The following AK4 variants were observed in gnomAD, a reference collection of about 807,000 sequenced individuals.
AK4 encodes adenylate kinase 4.
Under a neutral mutation model 24.6 loss-of-function variants are expected in AK4, and 13 were observed. The observed-to-expected ratio is 0.53, with a 90% CI of 0.34 to 0.84. AK4 has a LOEUF of 0.84. AK4 is among the 40% of genes least tolerant of loss of function. AK4 has a pLI of 0.01. For synonymous variants in AK4, 88 were observed against 107.0 expected (o/e 0.82, Z 1.10); for missense variants, 192 against 288.2 (o/e 0.67, Z 2.42).
At position 65,227,764 on chromosome 1, in the gene AK4, C is replaced by G. The variant is rs541430119; in HGVS notation, c.*1587C>G. ...GAAGATGTCCCAGTGAATCCTCTGT[C>G]AATTCACTGCCATATGTAATCTATA... On this transcript the variant is annotated 3_prime_UTR_variant, in exon 5 of 5. Transcript: ENST00000327299. 6.4e-4 allele frequency: 93 copies of G among 146,024 alleles called. No homozygotes were observed. The highest frequency in any genetic ancestry group is 2.0e-3 in the African/African-American group (76 of 38,466). The allele number at this position is 146,024 out of a possible 1,614,324, so 9.0% of individuals were successfully genotyped here. A position where few individuals can be genotyped will look rare whatever the true frequency, so the allele number is the denominator to read the frequency against.
chr1:65,197,777 T>C (rs1436920283), intron 2 of AK4, among the ~76,000 whole-genome samples: 1 of 152,232 alleles, frequency 6.6e-6, no homozygotes, highest in African/African-American at 2.4e-5. Flanking sequence ...CATACGAGGC[T>C]AGTACATAAC....
rs1005766646 is a variant in AK4 at position 65,227,282 on chromosome 1, T to C, written c.*1105T>C. 2.7e-5 allele frequency: 4 copies of C among 145,584 alleles called. No individual in the cohort carries two copies. Among genetic ancestry groups the C allele is most frequent in the African/African-American group, 7.6e-5 (3 of 39,318 alleles). 9.0% of individuals were successfully genotyped at this position (145,584 alleles called of 1,614,324 possible). A position where few individuals can be genotyped will look rare whatever the true frequency, so the allele number is the denominator to read the frequency against. ...GAGTGACCCAAACATATTATAAATA[T>C]GTGGTAAAGGGAATGGAGCCTGTGG... On this transcript the variant is annotated 3_prime_UTR_variant, in exon 5 of 5. Transcript: ENST00000327299.
intron 1 of AK4, among the ~76,000 whole-genome samples, chr1:65,183,008 G>A (rs193179237): frequency 5.4e-4 from 82 of 152,268 alleles, no homozygotes; most frequent in Middle Eastern, 6.8e-3. Flanking sequence ...CAATCCCAGT[G>A]TTTAAGACTC....
intron 1 of AK4, among the ~76,000 whole-genome samples, chr1:65,159,437 A>G (rs1650082260): frequency 6.6e-6 from 1 of 152,212 alleles, no homozygotes; most frequent in Non-Finnish European, 1.5e-5. Context: ...CGGATGGATC[A>G]CTTGAGCCCA....
intron 2 of AK4, among the ~76,000 whole-genome samples, chr1:65,213,621 A>C (rs1278013144): frequency 1.3e-5 from 2 of 152,226 alleles, no homozygotes; most frequent in African/African-American, 2.4e-5. Flanking sequence ...TTTATTAATC[A>C]GCACACTCTC....
chr1:65,181,254 C>T lies in AK4; in HGVS notation c.146-9456C>T, dbSNP rs540627894. On this transcript the variant is annotated intron_variant, in intron 1 of 4. Coordinates refer to ENST00000327299, the MANE Select transcript of AK4 (RefSeq NM_013410.4). ...TAGCTCCTTTTTCCATCTCTCTCCT[C>T]CAGCACTATCCTGCATCTTGTAATG... 5.9e-5 allele frequency among the ~76,000 whole-genome samples: 9 copies of T among 151,884 alleles called. No individual in the cohort carries two copies. In the South Asian group the frequency reaches 1.9e-3, roughly 32 times the overall value.
chr1:65,166,871 C>T (rs1650349640), intron 1 of AK4, among the ~76,000 whole-genome samples: 1 of 152,220 alleles, frequency 6.6e-6, no homozygotes, highest in African/African-American at 2.4e-5. Context: ...GTGGCTCACT[C>T]CTGTAATCCC....
intron 1 of AK4, among the ~76,000 whole-genome samples, chr1:65,173,518 T>G (rs1231550729): frequency 6.6e-6 from 1 of 152,116 alleles, no homozygotes; most frequent in Non-Finnish European, 1.5e-5. Flanking sequence ...GTTTCAGTCT[T>G]TCCTTGGAAA....
At chr1:65,168,952 AC>A (rs1326223354) in intron 1 of AK4, among the ~76,000 whole-genome samples, 1 of 152,148 alleles carries the variant, frequency 6.6e-6, no homozygotes, top group Non-Finnish European at 1.5e-5. Flanking sequence ...AGGTGGGAGG[AC>A]CACTTGAGGC....
intron 1 of AK4, among the ~76,000 whole-genome samples, chr1:65,153,033 CT>C (rs1649853319): frequency 6.6e-6 from 1 of 152,120 alleles, no homozygotes; most frequent in Non-Finnish European, 1.5e-5. Context: ...ATTTCCCCCC[CT>C]AGCTGGGTGA....
At chr1:65,157,677 TAC>T (rs1467145194) in intron 1 of AK4, among the ~76,000 whole-genome samples, 12 of 152,090 alleles carry the variant, frequency 7.9e-5, no homozygotes, top group African/African-American at 2.9e-4. Flanking sequence ...TAGTCTCAGC[TAC>T]TCGGGAGGTT....
rs527691649 is a variant in AK4, at chr1:65,195,988, C to T, written c.265+5159C>T. The stretch of plus-strand genomic sequence containing the variant: ...ATCATAGGCCTGTTTTAGTGAAGTA[C>T]GTCATCCTCCCAAGTGATTTGGTTA... On this transcript the variant is annotated intron_variant, in intron 2 of 4. Transcript: ENST00000327299. 5.9e-5 allele frequency among the ~76,000 whole-genome samples: 9 copies of T among 152,216 alleles called. No homozygotes were observed. In the South Asian group the frequency reaches 1.0e-3, roughly 18 times the overall value.
At chr1:65,182,355 ATCGAGGTGAT>A (rs1650938893) in intron 1 of AK4, among the ~76,000 whole-genome samples, 4 of 152,104 alleles carry the variant, frequency 2.6e-5, no homozygotes, top group Admixed American at 6.6e-5. Context: ...TGGCTTTGGA[ATCGAGGTGAT>A]GATCTGGGGT....
At chr1:65,194,980 A>G (rs998788451) in intron 2 of AK4, among the ~76,000 whole-genome samples, 4 of 152,042 alleles carry the variant, frequency 2.6e-5, no homozygotes, top group Non-Finnish European at 5.9e-5. Context: ...CTTGGTATCC[A>G]TTTTTTGTCT....
intron 1 of AK4, among the ~76,000 whole-genome samples, chr1:65,174,656 A>T (rs1125091): frequency 0.32 from 48,251 of 152,060 alleles, 8,283 homozygotes; most frequent in East Asian, 0.53. Flanking sequence ...ACAAAGAATT[A>T]CGGTGTGAGA....
intron 2 of AK4, among the ~76,000 whole-genome samples, chr1:65,195,868 AAGT>A (rs1386186575): frequency 6.6e-6 from 1 of 152,174 alleles, no homozygotes; most frequent in Non-Finnish European, 1.5e-5. Flanking sequence ...GGCAGAATAA[AAGT>A]CAGTTTCAGT....
intron 2 of AK4, among the ~76,000 whole-genome samples, chr1:65,194,698 A>G (rs544395353): frequency 5.3e-5 from 8 of 152,262 alleles, no homozygotes; most frequent in Non-Finnish European, 1.2e-4. Flanking sequence ...ATGACCTCAG[A>G]TGATCCGCCC....
chr1:65,171,838 T>C (rs1650535593), intron 1 of AK4, among the ~76,000 whole-genome samples: 1 of 151,086 alleles, frequency 6.6e-6, no homozygotes, highest in African/African-American at 2.4e-5. Context: ...GAGGCTGAAG[T>C]GGGTGGATCA....
chr1:65,207,999 G>C (rs753767699), intron 2 of AK4, among the ~76,000 whole-genome samples: 1 of 152,168 alleles, frequency 6.6e-6, no homozygotes, highest in Non-Finnish European at 1.5e-5. Context: ...ATAGTACTGT[G>C]ATGAACATAC....
Sources: gnomAD v4.1 joint callset for allele counts (sites outside exome capture counted in the v4.1 genomes callset) on GRCh38, gnomAD v4.1.1 for gene constraint, MANE v1.5 for transcripts, NCBI Gene and HGNC (gene_info 2026-07-23, HGNC 2026-07-21) for gene names.